DLG2: variants seen among roughly 807,000 people sequenced by gnomAD.
DLG2 encodes the protein discs large MAGUK scaffold protein 2, also known as disks large homolog 2.
DLG2 carries 45 observed loss-of-function variants against 132.5 expected under a neutral mutation model. The observed-to-expected ratio is 0.34, with a 90% CI of 0.27 to 0.44. The LOEUF is 0.44. Ranked by LOEUF, DLG2 falls within the 20% of genes least tolerant of loss-of-function variation. The pLI, the probability that DLG2 is intolerant of heterozygous loss-of-function variation, is 1.00. For missense variants in DLG2, 1,045 were observed against 1,196.9 expected (o/e 0.87, Z 1.87); for synonymous variants, 424 against 419.6 (o/e 1.01, Z -0.13).
In DLG2 at chr11:83,707,658, G is replaced by A. The variant is rs1056885822; in HGVS notation, c.1826-74333C>T. On this transcript the variant is annotated intron_variant, in intron 18 of 27. Transcript: ENST00000376104. Reference sequence around the variant, plus strand: ...TGCACTTCAGCCTGGACAACAGAGTGAGACTCGGTCTCAACAACAACAATA... The same window carrying A: ...TGCACTTCAGCCTGGACAACAGAGTAAGACTCGGTCTCAACAACAACAATA... 4.6e-5 allele frequency among the ~76,000 whole-genome samples: 7 copies of A among 152,310 alleles called. No homozygotes were observed. The East Asian group carries it at 9.6e-4, about 21-fold the overall frequency.
chr11:84,362,695 T>C (rs1437263473), intron 7 of DLG2, among the ~76,000 whole-genome samples: 7 of 152,030 alleles, frequency 4.6e-5, no homozygotes, highest in Admixed American at 4.6e-4. Context: ...GAGTGTGATG[T>C]TCCCCTTCCT....
chr11:85,187,684 T>C (rs1157398181), intron 4 of DLG2, among the ~76,000 whole-genome samples: 1 of 152,112 alleles, frequency 6.6e-6, no homozygotes, highest in East Asian at 1.9e-4. Flanking sequence ...CTCCACTCCA[T>C]CCAGCTCAGT....
At chr11:83,632,263 T>G (rs979688522) in intron 19 of DLG2, 1 of 152,200 alleles carries the variant, frequency 6.6e-6, no homozygotes, top group African/African-American at 2.4e-5. Flanking sequence ...AACTCAAGCA[T>G]GTAAATTAGT....
chr11:83,930,423 C>T lies in DLG2; in HGVS notation c.1401G>A (p.Arg467=). The stretch of plus-strand genomic sequence containing the variant: ...TGTCACACTCAACAGGGGAATAGTG[C>T]CTGGGAGAAGCAGGCTTATCACATA... ...NKLCDKPASP[R]HYSPVECDKS... Residue 467 remains arginine (R), a synonymous_variant, in exon 15 of 28, where the codon AGG becomes AGA. Coordinates refer to ENST00000376104, the MANE Select transcript of DLG2 (RefSeq NM_001142699.3). The T allele has an allele frequency of 6.2e-7, 1 of 1,613,934 alleles. No individual in the cohort carries two copies. Among genetic ancestry groups the T allele is most frequent in the Non-Finnish European group, 8.5e-7 (1 of 1,179,886 alleles).
At chr11:84,849,834 A>T (rs79234134) in intron 6 of DLG2, among the ~76,000 whole-genome samples, 9,038 of 152,018 alleles carry the variant, frequency 0.059, 513 homozygotes, top group East Asian at 0.25. Context: ...TATCTTTTTC[A>T]CTGCTGTGTG....
At chr11:84,621,969 A>C (rs191338173) in intron 6 of DLG2, among the ~76,000 whole-genome samples, 29 of 152,338 alleles carry the variant, frequency 1.9e-4, no homozygotes, top group African/African-American at 7.0e-4. Flanking sequence ...GAAATTGTAC[A>C]TTAGTAGTAC....
At chr11:84,227,199 G>A (rs1479504779) in intron 8 of DLG2, among the ~76,000 whole-genome samples, 4 of 152,002 alleles carry the variant, frequency 2.6e-5, no homozygotes. Context: ...TGGCATTTCA[G>A]GAGATCCCAC....
At chr11:83,721,306 C>A (rs1180500622) in intron 18 of DLG2, among the ~76,000 whole-genome samples, 2 of 152,156 alleles carry the variant, frequency 1.3e-5, no homozygotes, top group Non-Finnish European at 2.9e-5. Flanking sequence ...TTCCAATATG[C>A]ATGAATTTTC....
chr11:84,857,859 G>T (rs2082997362), intron 6 of DLG2, among the ~76,000 whole-genome samples: 1 of 151,576 alleles, frequency 6.6e-6, no homozygotes, highest in African/African-American at 2.4e-5. Flanking sequence ...AATAAAATAT[G>T]CTGTTATTCA....
chr11:84,358,165 A>G (rs1227937600), intron 7 of DLG2, among the ~76,000 whole-genome samples: 1 of 152,006 alleles, frequency 6.6e-6, no homozygotes, highest in East Asian at 1.9e-4. Flanking sequence ...GCACACACAC[A>G]TACTCATGCA....
At chr11:84,979,921 C>T (rs912631169) in intron 6 of DLG2, among the ~76,000 whole-genome samples, 4 of 151,926 alleles carry the variant, frequency 2.6e-5, no homozygotes, top group African/African-American at 9.7e-5. Flanking sequence ...ATTCCCAATC[C>T]CTGCCTATGT....
At chr11:83,850,160 G>GTTTTTT (rs145688257) in intron 16 of DLG2, among the ~76,000 whole-genome samples, 1 of 124,304 alleles carries the variant, frequency 8.0e-6, no homozygotes, top group African/African-American at 3.6e-5. Context: ...GTGTGTGTGT[G>GTTTTTT]TTTTTTTACT....
In DLG2 at chr11:84,748,661, A is replaced by G. The variant is rs190647058; in HGVS notation, c.358-213930T>C. On this transcript the variant is annotated intron_variant, in intron 6 of 27. Coordinates refer to ENST00000376104, the MANE Select transcript of DLG2 (RefSeq NM_001142699.3). The stretch of plus-strand genomic sequence containing the variant: ...AATTTTGGTCCTTTATTGCTGAGAG[A>G]TGAGGACAATGTTATTCTTGGTTTG... Among the ~76,000 whole-genome samples, 214 of 152,324 alleles carry G rather than the reference A, an allele frequency of 1.4e-3. 1 individual carries two copies. The highest frequency in any genetic ancestry group is 2.6e-3 in the Non-Finnish European group (180 of 68,028).
intron 6 of DLG2, among the ~76,000 whole-genome samples, chr11:84,867,049 G>A (rs1482994720): frequency 6.6e-6 from 1 of 152,138 alleles, no homozygotes; most frequent in Non-Finnish European, 1.5e-5. Context: ...TATATAAACT[G>A]GTTCAGCTCA....
chr11:83,483,055 A>G (rs776802101), intron 22 of DLG2, among the ~76,000 whole-genome samples: 1 of 152,120 alleles, frequency 6.6e-6, no homozygotes, highest in East Asian at 1.9e-4. Flanking sequence ...TGCCTGATAC[A>G]TTTTGCTTTT....
At chr11:84,671,195 C>T (rs1342824446) in intron 6 of DLG2, among the ~76,000 whole-genome samples, 3 of 151,776 alleles carry the variant, frequency 2.0e-5, no homozygotes, top group Non-Finnish European at 2.9e-5. Flanking sequence ...ACCTCCCTTG[C>T]TCAATCAATC....
At chr11:85,391,894 C>T (rs2086828361) in intron 3 of DLG2, among the ~76,000 whole-genome samples, 1 of 152,100 alleles carries the variant, frequency 6.6e-6, no homozygotes, top group Non-Finnish European at 1.5e-5. Flanking sequence ...ATGATGCCAA[C>T]TTTCACCACT....
At chr11:85,505,307 A>C (rs138977700) in intron 3 of DLG2, among the ~76,000 whole-genome samples, 1 of 152,306 alleles carries the variant, frequency 6.6e-6, no homozygotes, top group East Asian at 1.9e-4. Flanking sequence ...CCAGTTTTCA[A>C]AGAGAATGCT....
chr11:85,426,034 T>C (rs921857125), intron 3 of DLG2, among the ~76,000 whole-genome samples: 16 of 152,218 alleles, frequency 1.1e-4, no homozygotes, highest in Admixed American at 8.5e-4. Flanking sequence ...GGAGCCTTGT[T>C]CATTGCTAGC....
Sources: gnomAD v4.1 joint callset for allele counts (sites outside exome capture counted in the v4.1 genomes callset) on GRCh38, gnomAD v4.1.1 for gene constraint, MANE v1.5 for transcripts, NCBI Gene and HGNC (gene_info 2026-07-23, HGNC 2026-07-21) for gene names.